TPST1: variants seen among roughly 807,000 people sequenced by gnomAD.
TPST1 encodes the protein tyrosylprotein sulfotransferase 1.
In TPST1, 20 loss-of-function variants were observed where a neutral mutation model predicts 34.8. The observed-to-expected ratio is 0.57, with a 90% CI of 0.40 to 0.84. The LOEUF (loss-of-function observed/expected upper bound fraction) is 0.84. Among genes scored for constraint, TPST1 ranks in the 40% least tolerant of loss-of-function variants. The pLI is 0.00. For synonymous variants in TPST1, 152 were observed against 159.4 expected, an observed-to-expected ratio of 0.95 and a Z score of 0.35; for missense variants, 353 against 455.5, an observed-to-expected ratio of 0.78 and a Z score of 2.05.
intron 2 of TPST1, among the ~76,000 whole-genome samples, chr7:66,251,835 C>G (rs1481132998): frequency 6.6e-6 from 1 of 150,526 alleles, no homozygotes. Flanking sequence ...TTGAGATTTA[C>G]CTGTGTTGTG....
chr7:66,271,017 C>T (rs1790693333), intron 2 of TPST1, among the ~76,000 whole-genome samples: 1 of 152,174 alleles, frequency 6.6e-6, no homozygotes, highest in African/African-American at 2.4e-5. Flanking sequence ...TTTTCATATA[C>T]AAAAAGCATA....
chr7:66,318,471 A>AT lies in TPST1; in HGVS notation c.1044+31777dup, dbSNP rs779603624. On this transcript the variant is annotated intron_variant, in intron 3 of 5. Coordinates refer to ENST00000304842, the MANE Select transcript of TPST1 (RefSeq NM_003596.4). ...TTTTCCCCCAAGTACATTCTTCAGA[A>AT]TTTTTTTTTTTTTTTAGACGAAGTC... Among the ~76,000 whole-genome samples, 319 of 143,442 alleles carry AT rather than the reference A, an allele frequency of 2.2e-3. 3 individuals carry two copies. Among genetic ancestry groups the AT allele is most frequent in the African/African-American group, 5.6e-3 (221 of 39,248 alleles). The allele number at this position is 143,442 out of a possible 152,430, so 94.1% of individuals were successfully genotyped here. A position where few individuals can be genotyped will look rare whatever the true frequency, so the allele number is the denominator to read the frequency against.
chr7:66,262,883 A>G (rs1790515414), intron 2 of TPST1, among the ~76,000 whole-genome samples: 1 of 152,168 alleles, frequency 6.6e-6, no homozygotes, highest in Admixed American at 6.5e-5. Context: ...AGATCACCTG[A>G]GGTCAGGAGT....
At chr7:66,335,206 C>T (rs759453068) in intron 3 of TPST1, among the ~76,000 whole-genome samples, 3 of 152,102 alleles carry the variant, frequency 2.0e-5, no homozygotes, top group Non-Finnish European at 4.4e-5. Context: ...TTTCTGTAAT[C>T]CCACTTTGGG....
Position 66,241,285 on chromosome 7 carries a change from C to G in TPST1, c.845+15C>G, listed in dbSNP as rs373663371. On this transcript the variant is annotated intron_variant, in intron 2 of 5. Coordinates refer to ENST00000304842, the MANE Select transcript of TPST1 (RefSeq NM_003596.4). Reference sequence around the variant, plus strand: ...TCTCTGTCAAAGTGAGTAGAAGATACGTTTTTTATTTTGACTCTATATTTA... The same window carrying G: ...TCTCTGTCAAAGTGAGTAGAAGATAGGTTTTTTATTTTGACTCTATATTTA... The G allele has an allele frequency of 6.3e-7, 1 of 1,579,918 alleles. No homozygotes were observed. The highest frequency in any genetic ancestry group is 1.2e-5 in the South Asian group (1 of 84,942).
intron 3 of TPST1, among the ~76,000 whole-genome samples, chr7:66,305,180 C>T (rs899336583): frequency 6.6e-6 from 1 of 152,022 alleles, no homozygotes; most frequent in Non-Finnish European, 1.5e-5. Flanking sequence ...AAAAAGAATT[C>T]GTTAATATAT....
chr7:66,313,062 A>G (rs1369418552), intron 3 of TPST1, among the ~76,000 whole-genome samples: 1 of 152,080 alleles, frequency 6.6e-6, no homozygotes, highest in Non-Finnish European at 1.5e-5. Flanking sequence ...TCCTGAAAAA[A>G]AAAAAAAAAT....
Position 66,286,626 on chromosome 7 carries a change from C to G in TPST1, c.961C>G (p.Leu321Val). The G allele has an allele frequency of 1.9e-6, 3 of 1,609,548 alleles. No individual in the cohort carries two copies. Among genetic ancestry groups the G allele is most frequent in the Non-Finnish European group, 2.5e-6 (3 of 1,177,322 alleles). Residue 321 changes from leucine (L) to valine (V), a missense_variant, in exon 3 of 6, where the codon CTT (leucine) becomes GTT (valine). Transcript: ENST00000304842. ...AGACATGGCAGTGATTGCTCCTATG[C>G]TTGCCAAGCTTGGATATGACCCATA... Reference protein sequence around the residue: ...LQDMAVIAPMLAKLGYDPYAN... With the variant: ...LQDMAVIAPMVAKLGYDPYAN...
At chr7:66,218,643 A>G (rs535110306) in intron 1 of TPST1, among the ~76,000 whole-genome samples, 62 of 152,250 alleles carry the variant, frequency 4.1e-4, no homozygotes, top group African/African-American at 1.5e-3. Flanking sequence ...CAGGATATCA[A>G]GACCATTCTG....
chr7:66,356,796 A>G (rs1275036450), intron 4 of TPST1, 29 bp from the exon 5 acceptor site: 1 of 1,614,018 alleles, frequency 6.2e-7, no homozygotes, highest in African/African-American at 1.3e-5. Context: ...CTTCAAGGAC[A>G]TTAAAACATC....
At chr7:66,259,520 AG>A (rs1181999044) in intron 2 of TPST1, among the ~76,000 whole-genome samples, 1 of 151,712 alleles carries the variant, frequency 6.6e-6, no homozygotes, top group Non-Finnish European at 1.5e-5. Context: ...CCTTTCCTTC[AG>A]GACTCCAATT....
intron 3 of TPST1, among the ~76,000 whole-genome samples, chr7:66,348,407 G>A (rs972858454): frequency 2.0e-5 from 3 of 152,212 alleles, no homozygotes; most frequent in African/African-American, 4.8e-5. Flanking sequence ...CTCCTCAGGA[G>A]ATTGTGTGAT....
At chr7:66,298,895 A>ATG (rs1198458638) in intron 3 of TPST1, among the ~76,000 whole-genome samples, 2 of 152,002 alleles carry the variant, frequency 1.3e-5, no homozygotes, top group East Asian at 1.9e-4. Flanking sequence ...AGGCTGAGGC[A>ATG]GGTGGATCAC....
chr7:66,253,424 G>A (rs1377055734), intron 2 of TPST1, among the ~76,000 whole-genome samples: 1 of 148,172 alleles, frequency 6.7e-6, no homozygotes, highest in Non-Finnish European at 1.5e-5. Flanking sequence ...ACGCTGGAGT[G>A]CAGTGGCACG....
Position 66,332,178 on chromosome 7 carries a change from T to C in TPST1, c.1045-20327T>C, listed in dbSNP as rs113859995. Reference sequence around the variant, plus strand: ...TGTTTTTCACAAAACCGGCCCAAAGTTGGGGACTACTGCTATAGAGAATTG... The same window carrying C: ...TGTTTTTCACAAAACCGGCCCAAAGCTGGGGACTACTGCTATAGAGAATTG... On this transcript the variant is annotated intron_variant, in intron 3 of 5. Coordinates refer to ENST00000304842, the MANE Select transcript of TPST1 (RefSeq NM_003596.4). This position sits in a 1 kb window ranked among gnomAD's most constrained non-coding sequence, Gnocchi z 4.5. Among the ~76,000 whole-genome samples the C allele has an allele frequency of 0.043, 6,465 of 152,032 alleles. 210 individuals are homozygous for C. The highest frequency in any genetic ancestry group is 0.068 in the Non-Finnish European group (4,636 of 67,988).
At chr7:66,252,551 T>A (rs190968045) in intron 2 of TPST1, among the ~76,000 whole-genome samples, 231 of 151,524 alleles carry the variant, frequency 1.5e-3, no homozygotes, top group African/African-American at 5.4e-3. Flanking sequence ...GCCAGGATGA[T>A]CTCGATCTCC....
At chr7:66,313,274 G>A (rs1190547912) in intron 3 of TPST1, among the ~76,000 whole-genome samples, 1 of 152,074 alleles carries the variant, frequency 6.6e-6, no homozygotes, top group Non-Finnish European at 1.5e-5. Context: ...AATTAGCTGG[G>A]TGTGGTGGCA....
intron 3 of TPST1, among the ~76,000 whole-genome samples, chr7:66,327,194 T>C (rs903828904): frequency 2.6e-5 from 4 of 152,154 alleles, no homozygotes; most frequent in African/African-American, 9.7e-5. Flanking sequence ...TAATAAATTA[T>C]ATTACTAAAT....
At chr7:66,317,770 G>A (rs1461060150) in intron 3 of TPST1, among the ~76,000 whole-genome samples, 2 of 151,376 alleles carry the variant, frequency 1.3e-5, no homozygotes, top group Non-Finnish European at 1.5e-5. Flanking sequence ...GTGCTTTTGT[G>A]GACTGTTTTC....
Sources: gnomAD v4.1 joint callset for allele counts (sites outside exome capture counted in the v4.1 genomes callset) on GRCh38, gnomAD v4.1.1 for gene constraint, Gnocchi (gnomAD v3.1) non-coding constraint, MANE v1.5 for transcripts, NCBI Gene and HGNC (gene_info 2026-07-23, HGNC 2026-07-21) for gene names.